The following TMCC1 variants were observed in gnomAD, a reference collection of about 807,000 sequenced individuals.
TMCC1 encodes transmembrane and coiled-coil domains protein 1.
Under a neutral mutation model 52.4 loss-of-function variants are expected in TMCC1, and 15 were observed. That is an observed-to-expected ratio of 0.29 (90% confidence interval 0.19 to 0.44). TMCC1 has a LOEUF of 0.44. TMCC1 is among the 20% of genes least tolerant of loss of function. The probability of loss-of-function intolerance (pLI) is 1.00; values close to 1 mark genes in which losing one functional copy is unlikely to be tolerated. For missense variants in TMCC1, 503 were observed against 806.0 expected, an observed-to-expected ratio of 0.62 and a Z score of 4.55; for synonymous variants, 279 against 301.9, an observed-to-expected ratio of 0.92 and a Z score of 0.79.
intron 4 of TMCC1, among the ~76,000 whole-genome samples, chr3:129,740,159 G>C (rs1045406964): frequency 4.6e-5 from 7 of 152,180 alleles, no homozygotes; most frequent in Non-Finnish European, 1.0e-4. Flanking sequence ...TGCCTTGCAT[G>C]GAGCCTGGGC....
At chr3:129,842,477 A>AACACACAC (rs61106930) in intron 2 of TMCC1, among the ~76,000 whole-genome samples, 7 of 147,650 alleles carry the variant, frequency 4.7e-5, no homozygotes, top group African/African-American at 9.9e-5. Context: ...AAAAAAACAA[A>AACACACAC]ACACACACAC....
At chr3:129,866,443 T>C (rs1198062439) in intron 2 of TMCC1, among the ~76,000 whole-genome samples, 1 of 148,508 alleles carries the variant, frequency 6.7e-6, no homozygotes, top group Admixed American at 6.8e-5. Flanking sequence ...AATGGCTCGA[T>C]CTCAGCTCAC....
intron 2 of TMCC1, among the ~76,000 whole-genome samples, chr3:129,840,635 G>A (rs1487584389): frequency 1.3e-5 from 2 of 152,146 alleles, no homozygotes; most frequent in African/African-American, 4.8e-5. Flanking sequence ...CACGGGGGTG[G>A]TTTCCCCCTG....
At position 129,684,908 on chromosome 3, in the gene TMCC1, A is replaced by AT. The variant is rs1428043192; in HGVS notation, c.577-13645dup. ...TTACAATTTAATTCATTTTGCAATTATTTTTTCTTTATGTAAAACACTGAA... is the reference window on the plus strand; with the variant it reads ...TTACAATTTAATTCATTTTGCAATTATTTTTTTCTTTATGTAAAACACTGAA... On this transcript the variant is annotated intron_variant, in intron 4 of 6. Transcript: ENST00000393238. 2.6e-5 allele frequency among the ~76,000 whole-genome samples: 4 copies of AT among 152,268 alleles called. No homozygotes were observed. The South Asian group carries it at 6.2e-4, about 24-fold the overall frequency.
At chr3:129,703,991 G>A (rs1435864537) in intron 4 of TMCC1, among the ~76,000 whole-genome samples, 1 of 152,174 alleles carries the variant, frequency 6.6e-6, no homozygotes, top group East Asian at 1.9e-4. Context: ...AACATGATAG[G>A]GAGAAGTAGA....
chr3:129,729,640 C>T (rs1254229688), intron 4 of TMCC1, among the ~76,000 whole-genome samples: 5 of 151,798 alleles, frequency 3.3e-5, no homozygotes, highest in Admixed American at 6.6e-5. Flanking sequence ...GTCTAGTCAA[C>T]ACAGCAAGAA....
At chr3:129,786,904 G>A (rs1263324172) in intron 4 of TMCC1, among the ~76,000 whole-genome samples, 1 of 152,034 alleles carries the variant, frequency 6.6e-6, no homozygotes, top group Non-Finnish European at 1.5e-5. Flanking sequence ...TTAACTCGAT[G>A]AGTTTTCTTG....
intron 4 of TMCC1, among the ~76,000 whole-genome samples, chr3:129,720,820 G>T (rs1447834791): frequency 6.6e-6 from 1 of 151,984 alleles, no homozygotes; most frequent in African/African-American, 2.4e-5. Flanking sequence ...TCAACCTCCT[G>T]AGTAGCTGGG....
At chr3:129,719,595 T>C (rs1211744057) in intron 4 of TMCC1, among the ~76,000 whole-genome samples, 1 of 152,060 alleles carries the variant, frequency 6.6e-6, no homozygotes, top group East Asian at 1.9e-4. Flanking sequence ...TCTAATACTA[T>C]CTCCAGGTAG....
At chr3:129,667,629 C>T (rs1224275702) in intron 5 of TMCC1, among the ~76,000 whole-genome samples, 2 of 152,082 alleles carry the variant, frequency 1.3e-5, no homozygotes, top group Admixed American at 1.3e-4. Context: ...TAGAAAGAAC[C>T]CAAAGTGCAA....
intron 4 of TMCC1, among the ~76,000 whole-genome samples, chr3:129,804,316 A>G (rs1350477632): frequency 1.3e-5 from 2 of 152,248 alleles, no homozygotes; most frequent in Non-Finnish European, 2.9e-5. Context: ...GAAAGATGAT[A>G]TAACATAGCT....
intron 1 of TMCC1, among the ~76,000 whole-genome samples, chr3:129,881,381 A>C (rs931696057): frequency 3.3e-5 from 5 of 152,220 alleles, no homozygotes; most frequent in African/African-American, 9.6e-5. Context: ...AACGAATCAT[A>C]GATAAATATT....
chr3:129,744,482 T>G (rs1404442184), intron 4 of TMCC1, among the ~76,000 whole-genome samples: 1 of 151,250 alleles, frequency 6.6e-6, no homozygotes, highest in African/African-American at 2.4e-5. Context: ...GATGAGGTCT[T>G]GCTATGTTGC....
chr3:129,864,084 T>C (rs2060516444), intron 2 of TMCC1, among the ~76,000 whole-genome samples: 1 of 152,208 alleles, frequency 6.6e-6, no homozygotes, highest in Non-Finnish European at 1.5e-5. Context: ...TGCATCCTTG[T>C]GCAGTTCTGT....
At chr3:129,724,197 A>G (rs2049894017) in intron 4 of TMCC1, among the ~76,000 whole-genome samples, 1 of 152,190 alleles carries the variant, frequency 6.6e-6, no homozygotes, top group African/African-American at 2.4e-5. Flanking sequence ...TGTTCTAGAA[A>G]GTAATGGCAA....
chr3:129,662,951 T>G (rs1015738751), intron 5 of TMCC1, among the ~76,000 whole-genome samples: 1 of 152,212 alleles, frequency 6.6e-6, no homozygotes, highest in African/African-American at 2.4e-5. Context: ...AGTATCATAT[T>G]TTGGTAGATG....
intron 4 of TMCC1, among the ~76,000 whole-genome samples, chr3:129,730,563 T>C (rs767438343): frequency 5.2e-4 from 79 of 152,242 alleles, no homozygotes; most frequent in Non-Finnish European, 9.4e-4. Context: ...TGTAGCTTTA[T>C]GGTAAGTCTG....
chr3:129,767,534 T>C (rs958452379), intron 4 of TMCC1, among the ~76,000 whole-genome samples: 3 of 152,108 alleles, frequency 2.0e-5, no homozygotes, highest in Non-Finnish European at 4.4e-5. Context: ...CACCACACTT[T>C]GCTAATTTTT....
chr3:129,695,722 C>T (rs950244162), intron 4 of TMCC1, among the ~76,000 whole-genome samples: 1 of 152,120 alleles, frequency 6.6e-6, no homozygotes, highest in African/African-American at 2.4e-5. Context: ...TGGGTAGGGA[C>T]ACAGCCAAAT....
Sources: gnomAD v4.1 joint callset for allele counts (sites outside exome capture counted in the v4.1 genomes callset) on GRCh38, gnomAD v4.1.1 for gene constraint, MANE v1.5 for transcripts, NCBI Gene and HGNC (gene_info 2026-07-23, HGNC 2026-07-21) for gene names.